The following JAKMIP3 variants were observed in gnomAD, a reference collection of about 807,000 sequenced individuals.
The protein encoded by JAKMIP3 is Janus kinase and microtubule interacting protein 3.
In JAKMIP3, 58 loss-of-function variants were observed where a neutral mutation model predicts 118.5. The ratio of observed to expected loss-of-function variants is 0.49; its 90% CI spans 0.40 to 0.61. The LOEUF (loss-of-function observed/expected upper bound fraction) is 0.61. JAKMIP3 is among the 20% of genes least tolerant of loss of function. The probability of loss-of-function intolerance (pLI) is 0.00; values close to 1 mark genes in which losing one functional copy is unlikely to be tolerated. For synonymous variants in JAKMIP3, 486 were observed against 451.2 expected (o/e 1.08, Z -0.98); for missense variants, 950 against 1,109.0 (o/e 0.86, Z 2.04).
rs1267083766 is a variant in JAKMIP3 at position 132,078,589 on chromosome 10, C to G, written c.-138+12528C>G. On this transcript the variant is annotated intron_variant, in intron 1 of 23. Coordinates refer to ENST00000684848, the MANE Select transcript of JAKMIP3 (RefSeq NM_001323087.2). ...TCCCTGCGCATAACACGCCCCCTTT[C>G]CCACTGAGCCCAGGGACCTTCTCTG... Among the ~76,000 whole-genome samples, 3 of 139,278 alleles carry G rather than the reference C, an allele frequency of 2.2e-5. No homozygotes were observed. The East Asian group carries it at 6.6e-4, about 31-fold the overall frequency. The allele number at this position is 139,278 out of a possible 152,430, so 91.4% of individuals were successfully genotyped here. A position where few individuals can be genotyped will look rare whatever the true frequency, so the allele number is the denominator to read the frequency against.
intron 3 of JAKMIP3, among the ~76,000 whole-genome samples, chr10:132,125,102 G>A (rs2135511811): frequency 6.6e-6 from 1 of 152,366 alleles, no homozygotes; most frequent in Non-Finnish European, 1.5e-5. Flanking sequence ...CGATTTGTCG[G>A]TTTCTTTTGT....
chr10:132,046,457 A>C (rs1311097422), intron 1 of JAKMIP3, among the ~76,000 whole-genome samples: 1 of 112,396 alleles, frequency 8.9e-6, no homozygotes, highest in African/African-American at 3.1e-5. Context: ...CTCCGTCTCA[A>C]AAAGAAAAAA....
intron 17 of JAKMIP3, 65 bp downstream of exon 17, chr10:132,153,088 C>T (rs770746926): frequency 1.5e-6 from 2 of 1,341,954 alleles, no homozygotes; most frequent in Non-Finnish European, 2.1e-6. Context: ...CCCTGCTCAG[C>T]TCAGAGGTGG....
rs1382699085 is a variant in JAKMIP3, at chr10:132,145,093, C to T, written c.1603-14C>T. 2 of 1,609,134 alleles carry T rather than the reference C, an allele frequency of 1.2e-6. No homozygotes were observed. Among genetic ancestry groups the T allele is most frequent in the Non-Finnish European group, 1.7e-6 (2 of 1,178,138 alleles). On this transcript the variant is annotated splice_polypyrimidine_tract_variant and intron_variant, in intron 11 of 23. Coordinates refer to ENST00000684848, the MANE Select transcript of JAKMIP3 (RefSeq NM_001323087.2). ...TTAGAGAAAATTTGATGTATCTTTC[C>T]TCCCGTCCTACAGACCCGTGAGCAG...
At chr10:132,095,781 T>C (rs1030242694) in intron 1 of JAKMIP3, among the ~76,000 whole-genome samples, 1 of 152,202 alleles carries the variant, frequency 6.6e-6, no homozygotes, top group Non-Finnish European at 1.5e-5. Context: ...CTATTCCTGA[T>C]AGGTGTTTTT....
chr10:132,163,989 C>T (rs887135579), intron 20 of JAKMIP3, among the ~76,000 whole-genome samples: 8 of 152,236 alleles, frequency 5.3e-5, no homozygotes, highest in African/African-American at 1.2e-4. Context: ...GTGTAGGACA[C>T]GGCCCAGCTT....
At chr10:132,072,880 T>C (rs995330589) in intron 1 of JAKMIP3, among the ~76,000 whole-genome samples, 2 of 152,180 alleles carry the variant, frequency 1.3e-5, no homozygotes, top group Non-Finnish European at 2.9e-5. Context: ...CTGTATCCAA[T>C]AGCTAATTTT....
intron 10 of JAKMIP3, 69 bp from the exon 11 acceptor site, chr10:132,141,851 C>G (rs1025338289): frequency 3.3e-5 from 51 of 1,531,480 alleles, no homozygotes; most frequent in Non-Finnish European, 4.2e-5. Context: ...CCCGGGGCCC[C>G]GCCATCGGAG....
At chr10:132,125,495 G>A (rs1169909067) in intron 3 of JAKMIP3, among the ~76,000 whole-genome samples, 2 of 152,212 alleles carry the variant, frequency 1.3e-5, no homozygotes, top group African/African-American at 2.4e-5. Context: ...CTGACATCTC[G>A]TCGTCTAAGT....
In JAKMIP3 at chr10:132,182,553, G is replaced by T. The variant is rs1429046620; in HGVS notation, c.*1300G>T. On this transcript the variant is annotated 3_prime_UTR_variant, in exon 24 of 24. Transcript: ENST00000684848. ...CTGAATTGACAGGAGGTGTGTGTGT[G>T]TGCTCACTTGTGTGCACAAGCATGC... 1 of 152,214 alleles carries T rather than the reference G, an allele frequency of 6.6e-6. No individual in the cohort carries two copies. The highest frequency in any genetic ancestry group is 1.5e-5 in the Non-Finnish European group (1 of 68,030). The allele number at this position is 152,214 out of a possible 1,614,324, so 9.4% of individuals were successfully genotyped here. A position where few individuals can be genotyped will look rare whatever the true frequency, so the allele number is the denominator to read the frequency against.
intron 14 of JAKMIP3, among the ~76,000 whole-genome samples, chr10:132,148,515 A>C (rs1250739291): frequency 9.0e-6 from 1 of 110,796 alleles, no homozygotes; most frequent in Non-Finnish European, 2.1e-5. Flanking sequence ...TCCGTCCTCC[A>C]TCCGCCCGTC....
At chr10:132,061,391 A>C (rs921219729), upstream of JAKMIP3, among the ~76,000 whole-genome samples, 2 of 152,260 alleles carry the variant, frequency 1.3e-5, no homozygotes, top group Admixed American at 6.5e-5. Context: ...ACATAAAAGA[A>C]GTCCTAAATA....
chr10:132,075,717 A>T (rs1305298508), intron 1 of JAKMIP3, among the ~76,000 whole-genome samples: 1 of 152,138 alleles, frequency 6.6e-6, no homozygotes, highest in Non-Finnish European at 1.5e-5. Flanking sequence ...AGATACTTCT[A>T]TATATGTTAG....
intron 9 of JAKMIP3, among the ~76,000 whole-genome samples, chr10:132,139,732 G>A (rs2053086481): frequency 6.6e-6 from 1 of 152,226 alleles, no homozygotes; most frequent in South Asian, 2.1e-4. Flanking sequence ...CAGGACAGGG[G>A]CCAGTGGTTG....
intron 1 of JAKMIP3, among the ~76,000 whole-genome samples, chr10:132,042,771 A>G (rs931132307): frequency 3.3e-5 from 5 of 152,170 alleles, no homozygotes; most frequent in Non-Finnish European, 5.9e-5. Context: ...TATTAGAAAT[A>G]GTTAAGAAAA....
At chr10:132,089,244 G>A (rs2134373936) in intron 1 of JAKMIP3, among the ~76,000 whole-genome samples, 2 of 152,254 alleles carry the variant, frequency 1.3e-5, no homozygotes, top group Middle Eastern at 6.8e-3. Flanking sequence ...ATTCTGTGAA[G>A]AAAGTCATTG....
rs1410771156 is a variant in JAKMIP3 at position 132,112,455 on chromosome 10, C to T, written c.136-4622C>T. ...CATGCCTGCTTCCAGAACATTCCATCCCGCCTCTGTTCTTTCGGGCTGTTA... is the reference window on the plus strand; with the variant it reads ...CATGCCTGCTTCCAGAACATTCCATTCCGCCTCTGTTCTTTCGGGCTGTTA... On this transcript the variant is annotated intron_variant, in intron 2 of 23. Coordinates refer to ENST00000684848, the MANE Select transcript of JAKMIP3 (RefSeq NM_001323087.2). The surrounding 1 kb of genome is among the most constrained non-coding windows in gnomAD (Gnocchi z 4.3). Among the ~76,000 whole-genome samples, 4 of 152,196 alleles carry T rather than the reference C, an allele frequency of 2.6e-5. No individual in the cohort carries two copies. The highest frequency in any genetic ancestry group is 9.6e-5 in the African/African-American group (4 of 41,456).
chr10:132,078,617 GGC>G (rs1331284018), intron 1 of JAKMIP3, among the ~76,000 whole-genome samples: 1 of 67,024 alleles, frequency 1.5e-5, no homozygotes, highest in Non-Finnish European at 2.5e-5. Context: ...CTTCTCTGGG[GGC>G]GGGGGGGGGG....
intron 1 of JAKMIP3, among the ~76,000 whole-genome samples, chr10:132,068,556 C>T (rs1279467709): frequency 6.6e-6 from 1 of 152,198 alleles, no homozygotes; most frequent in East Asian, 1.9e-4. Flanking sequence ...TGGTCTGGCA[C>T]CCCAAGCTGG....
Sources: gnomAD v4.1 joint callset for allele counts (sites outside exome capture counted in the v4.1 genomes callset) on GRCh38, gnomAD v4.1.1 for gene constraint, Gnocchi (gnomAD v3.1) non-coding constraint, MANE v1.5 for transcripts, NCBI Gene and HGNC (gene_info 2026-07-23, HGNC 2026-07-21) for gene names.